The following KMT5C variants were observed in gnomAD, a reference collection of about 807,000 sequenced individuals.
KMT5C encodes the protein histone-lysine N-methyltransferase KMT5C.
Under a neutral mutation model 38.2 loss-of-function variants are expected in KMT5C, and 16 were observed. That is an observed-to-expected ratio of 0.42 (90% CI 0.28 to 0.64). The LOEUF (loss-of-function observed/expected upper bound fraction) is 0.64. Among genes scored for constraint, KMT5C ranks in the 30% least tolerant of loss-of-function variants. The probability of loss-of-function intolerance (pLI) is 0.23; values close to 1 mark genes in which losing one functional copy is unlikely to be tolerated. For synonymous variants in KMT5C, 291 were observed against 279.0 expected (o/e 1.04, Z -0.43); for missense variants, 598 against 665.1 (o/e 0.90, Z 1.11).
Position 55,342,323 on chromosome 19 carries a change from G to C in KMT5C, c.219G>C (p.Trp73Cys). The change falls in exon 3 of 9, where the codon TGG (tryptophan) becomes TGC (cysteine). Residue 73 changes from tryptophan to cysteine, a missense_variant. Physicochemically the swap from Trp to Cys is radical, Grantham distance 215. Coordinates refer to ENST00000255613, the MANE Select transcript of KMT5C (RefSeq NM_032701.4). Reference sequence around the variant, plus strand: ...ACCGGGCCCTGACGCTGGGAGGCTGGACGGCCCGCTACTTCCAGAGCCGGG... The same window carrying C: ...ACCGGGCCCTGACGCTGGGAGGCTGCACGGCCCGCTACTTCCAGAGCCGGG... ...AAYRALTLGG[W>C]TARYFQSRGP... 1 of 1,572,518 alleles carries C rather than the reference G, an allele frequency of 6.4e-7. No individual in the cohort carries two copies. Among genetic ancestry groups the C allele is most frequent in the Non-Finnish European group, 8.6e-7 (1 of 1,160,936 alleles).
At chr19:55,346,463 C>A (rs548306208) in intron 7 of KMT5C, 37 bp from the exon 8 acceptor site, 24 of 1,595,288 alleles carry the variant, frequency 1.5e-5, no homozygotes, top group African/African-American at 4.0e-5. Context: ...CATCTCCCTT[C>A]CACCCGGCCT....
chr19:55,343,274 G>A lies in KMT5C; in HGVS notation c.387-406G>A. The A allele has an allele frequency of 1.3e-5, 4 of 318,072 alleles. No homozygotes were observed. The South Asian group carries it at 1.5e-4, about 12-fold the overall frequency. The allele number at this position is 318,072 out of a possible 1,614,324, so 19.7% of individuals were successfully genotyped here. ...GGTCCCAGCTGGTACATGCTGCAGG[G>A]GAGCTGTGAGGAATGAGCAAGTGCT... On this transcript the variant is annotated intron_variant, in intron 4 of 8. Transcript: ENST00000255613. This position sits in a 1 kb window ranked among gnomAD's most constrained non-coding sequence, Gnocchi z 5.5.
chr19:55,340,300 C>T (rs1033900552), intron 1 of KMT5C, among the ~76,000 whole-genome samples: 1 of 151,160 alleles, frequency 6.6e-6, no homozygotes, highest in Admixed American at 6.6e-5. Flanking sequence ...CCCTGCACCC[C>T]CAGGTCTCTC....
At chr19:55,340,197 C>T (rs1041194903) in intron 1 of KMT5C, among the ~76,000 whole-genome samples, 2 of 151,852 alleles carry the variant, frequency 1.3e-5, no homozygotes, top group African/African-American at 4.8e-5. Flanking sequence ...GCCCTCCCTG[C>T]ATCCTCAGGG....
intron 3 of KMT5C, 41 bp from the exon 4 acceptor site, chr19:55,342,700 GC>G: frequency 9.1e-7 from 1 of 1,097,908 alleles, no homozygotes; most frequent in Non-Finnish European, 1.4e-6. Flanking sequence ...GGCCAAAGAT[GC>G]CCCTGCCCCG....
rs1026388492 is a variant in KMT5C at position 55,343,570 on chromosome 19, G to C, written c.387-110G>C. On this transcript the variant is annotated intron_variant, in intron 4 of 8. Transcript: ENST00000255613. The surrounding 1 kb of genome is among the most constrained non-coding windows in gnomAD (Gnocchi z 5.5). ...TGGATCGCCAATAGCCAGCACCAGC[G>C]CCCAGGAGTCCCTCCTTCCTGGGTG... 1 of 1,043,252 alleles carries C rather than the reference G, an allele frequency of 9.6e-7. No homozygotes were observed. Among genetic ancestry groups the C allele is most frequent in the African/African-American group, 1.6e-5 (1 of 62,858 alleles). The allele number at this position is 1,043,252 out of a possible 1,614,324, so 64.6% of individuals were successfully genotyped here. A position where few individuals can be genotyped will look rare whatever the true frequency, so the allele number is the denominator to read the frequency against.
chr19:55,346,323 G>A lies in KMT5C; in HGVS notation c.681G>A (p.Glu227=). 6.2e-7 allele frequency: 1 copy of A among 1,614,090 alleles called. No homozygotes were observed. Among genetic ancestry groups the A allele is most frequent in the Non-Finnish European group, 8.5e-7 (1 of 1,179,962 alleles). Residue 227 remains glutamate (E), a synonymous_variant, in exon 7 of 9, where the codon GAG becomes GAA. Coordinates refer to ENST00000255613, the MANE Select transcript of KMT5C (RefSeq NM_032701.4). ...YGEGFFGEKN[E]HCECHTCERK... Reference sequence around the variant, plus strand: ...AGGGCTTCTTCGGCGAGAAGAATGAGCACTGTGAATGCCACACCTGTGAGA... The same window carrying A: ...AGGGCTTCTTCGGCGAGAAGAATGAACACTGTGAATGCCACACCTGTGAGA...
chr19:55,342,099 T>C, intron 2 of KMT5C, 53 bp downstream of exon 2: 1 of 1,571,280 alleles, frequency 6.4e-7, no homozygotes, highest in South Asian at 1.1e-5. Context: ...CCCCTCCCCT[T>C]GCACCGCTGC....
chr19:55,345,169 A>G, intron 6 of KMT5C: 3 of 420,368 alleles, frequency 7.1e-6, no homozygotes, highest in South Asian at 5.0e-5. Context: ...CTGGCTTCAC[A>G]GAAGCCATGC....
rs544763399 is a variant in KMT5C at position 55,344,100 on chromosome 19, C to T, written c.570+103C>T. 141 of 1,301,954 alleles carry T rather than the reference C, an allele frequency of 1.1e-4. No homozygotes were observed. The South Asian group carries it at 1.4e-3, about 13-fold the overall frequency. 80.7% of individuals were successfully genotyped at this position (1,301,954 alleles called of 1,614,324 possible). A position where few individuals can be genotyped will look rare whatever the true frequency, so the allele number is the denominator to read the frequency against. ...AGTAAAGAGCCAAACACCGGCCGGG[C>T]GCGGTGGCTCATGCCTGTAATCCCA... On this transcript the variant is annotated intron_variant, in intron 6 of 8. Transcript: ENST00000255613.
rs557649868 is a variant in KMT5C, at chr19:55,343,336, G to A, written c.387-344G>A. On this transcript the variant is annotated intron_variant, in intron 4 of 8. Transcript: ENST00000255613. The surrounding 1 kb of genome is among the most constrained non-coding windows in gnomAD (Gnocchi z 5.5). ...GCTCACACTGACAGGGGAAGCACCC[G>A]CCTGAGGGTCTGGTGGGGCGAGTAG... The A allele has an allele frequency of 2.5e-5, 9 of 365,526 alleles. No homozygotes were observed. The highest frequency in any genetic ancestry group is 1.4e-4 in the African/African-American group (7 of 48,974). The allele number at this position is 365,526 out of a possible 1,614,324, so 22.6% of individuals were successfully genotyped here.
chr19:55,347,126 C>A lies in KMT5C; in HGVS notation c.1066C>A (p.Leu356Met), dbSNP rs773128771. ...LSTHHAARVS[L>M]HRWGGCGPHC... ...CACCCACCACGCTGCCCGCGTCTCC[C>A]TGCACCGATGGGGAGGCTGTGGCCC... Residue 356 changes from leucine to methionine, a missense_variant, in exon 9 of 9, where the codon CTG (leucine) becomes ATG (methionine). By Grantham distance (15) the Leu-to-Met change is conservative. Around this residue, in one of 3 missense-constraint regions of KMT5C, gnomAD observed 326 missense variants for 298.1 expected, o/e 1.09. Coordinates refer to ENST00000255613, the MANE Select transcript of KMT5C (RefSeq NM_032701.4). This position sits in a 1 kb window ranked among gnomAD's most constrained non-coding sequence, Gnocchi z 4.6. 1 of 1,544,934 alleles carries A rather than the reference C, an allele frequency of 6.5e-7. No individual in the cohort carries two copies. Among genetic ancestry groups the A allele is most frequent in the East Asian group, 2.4e-5 (1 of 41,530 alleles).
Position 55,347,659 on chromosome 19 carries a change from A to T in KMT5C, c.*210A>T, listed in dbSNP as rs1375815154. ...TGACCCCTGAGCCACCCCCACTCCC[A>T]CAGGGAGCCCCGGCCATTTGCTGCC... On this transcript the variant is annotated 3_prime_UTR_variant, in exon 9 of 9. Transcript: ENST00000255613. The surrounding 1 kb of genome is among the most constrained non-coding windows in gnomAD (Gnocchi z 4.6). 6 of 747,790 alleles carry T rather than the reference A, an allele frequency of 8.0e-6. No homozygotes were observed. Among genetic ancestry groups the T allele is most frequent in the Non-Finnish European group, 1.2e-5 (6 of 513,460 alleles). The allele number at this position is 747,790 out of a possible 1,614,324, so 46.3% of individuals were successfully genotyped here.
rs539138859 is a variant in KMT5C at position 55,343,104 on chromosome 19, C to T, written c.386+253C>T. On this transcript the variant is annotated intron_variant, in intron 4 of 8. Transcript: ENST00000255613. This position sits in a 1 kb window ranked among gnomAD's most constrained non-coding sequence, Gnocchi z 5.5. ...GAAAGAACTAGGCTTCTGGTCAGGG[C>T]CGTGCTGTCCTTACCTCCTTGTGAC... is the stretch of plus-strand genomic sequence containing the variant. The T allele has an allele frequency of 4.2e-6, 2 of 477,614 alleles. No individual in the cohort carries two copies. The highest frequency in any genetic ancestry group is 2.0e-5 in the African/African-American group (1 of 51,158). 29.6% of individuals were successfully genotyped at this position (477,614 alleles called of 1,614,324 possible). A position where few individuals can be genotyped will look rare whatever the true frequency, so the allele number is the denominator to read the frequency against.
Position 55,342,992 on chromosome 19 carries a change from G to A in KMT5C, c.386+141G>A. The A allele has an allele frequency of 4.7e-6, 3 of 641,580 alleles. 1 individual carries two copies. The South Asian group carries it at 5.2e-5, about 11-fold the overall frequency. The allele number at this position is 641,580 out of a possible 1,614,324, so 39.7% of individuals were successfully genotyped here. Reference sequence around the variant, plus strand: ...CCGGGCATCCTAGGAAGGTGGTGGGGCTAATCCCGGAAGACCTTTGTGGCT... The same window carrying A: ...CCGGGCATCCTAGGAAGGTGGTGGGACTAATCCCGGAAGACCTTTGTGGCT... On this transcript the variant is annotated intron_variant, in intron 4 of 8. Coordinates refer to ENST00000255613, the MANE Select transcript of KMT5C (RefSeq NM_032701.4).
At chr19:55,346,442 C>T in intron 7 of KMT5C, 58 bp from the exon 8 acceptor site, 1 of 1,603,524 alleles carries the variant, frequency 6.2e-7, no homozygotes, top group Non-Finnish European at 8.5e-7. Flanking sequence ...GTGTGTCCAA[C>T]CCCAGCCTCT....
chr19:55,344,797 C>A, intron 6 of KMT5C: 1 of 522,346 alleles, frequency 1.9e-6, no homozygotes, highest in Non-Finnish European at 3.9e-6. Context: ...GGCTCCAGGG[C>A]GGCATTGAGG....
At chr19:55,340,228 A>C in intron 1 of KMT5C, among the ~76,000 whole-genome samples, 3 of 142,258 alleles carry the variant, frequency 2.1e-5, no homozygotes, top group African/African-American at 5.3e-5. Flanking sequence ...ACCTCTTGTC[A>C]CTCTCCAGGC....
In KMT5C at chr19:55,342,857, AG is replaced by A; in HGVS notation, c.386+9del. On this transcript the variant is annotated splice_region_variant and intron_variant, in intron 4 of 8. Coordinates refer to ENST00000255613, the MANE Select transcript of KMT5C (RefSeq NM_032701.4). ...ATCGTGTCCACTCGTGCTTGGTAAG[AG>A]GGCAGGACTCCCTGCAGGTATCCTT... is the stretch of plus-strand genomic sequence containing the variant. 1 of 1,503,594 alleles carries A rather than the reference AG, an allele frequency of 6.7e-7. No individual in the cohort carries two copies. Among genetic ancestry groups the A allele is most frequent in the Non-Finnish European group, 9.3e-7 (1 of 1,079,110 alleles). The allele number at this position is 1,503,594 out of a possible 1,614,324, so 93.1% of individuals were successfully genotyped here.
Sources: gnomAD v4.1 joint callset for allele counts (sites outside exome capture counted in the v4.1 genomes callset) on GRCh38, gnomAD v4.1.1 for gene constraint, gnomAD v4.1.1 regional missense constraint, Gnocchi (gnomAD v3.1) non-coding constraint, MANE v1.5 for transcripts, NCBI Gene and HGNC (gene_info 2026-07-23, HGNC 2026-07-21) for gene names.